EBF3: variants seen among roughly 807,000 people sequenced by gnomAD.
EBF3 encodes the protein transcription factor COE3.
A neutral mutation model predicts 77.1 loss-of-function variants in EBF3; 18 were observed. The ratio of observed to expected loss-of-function variants is 0.23; its 90% CI spans 0.16 to 0.35. The LOEUF (loss-of-function observed/expected upper bound fraction) is 0.35. EBF3 is among the 10% of genes least tolerant of loss of function. The pLI, the probability that EBF3 is intolerant of heterozygous loss-of-function variation, is 1.00. For missense variants in EBF3, 558 were observed against 860.0 expected, an observed-to-expected ratio of 0.65 and a Z score of 4.39; for synonymous variants, 350 against 343.5, an observed-to-expected ratio of 1.02 and a Z score of -0.21.
At chr10:129,902,861 C>T (rs773980873) in intron 6 of EBF3, among the ~76,000 whole-genome samples, 15 of 152,220 alleles carry the variant, frequency 9.9e-5, no homozygotes, top group Non-Finnish European at 2.1e-4. Context: ...AGCCCAGGTG[C>T]TCTGAGCCAG....
chr10:129,943,144 T>A lies in EBF3; in HGVS notation c.554+14114A>T, dbSNP rs1857902374. 6.6e-6 allele frequency among the ~76,000 whole-genome samples: 1 copy of A among 152,160 alleles called. No individual in the cohort carries two copies. The highest frequency in any genetic ancestry group is 2.1e-4 in the South Asian group (1 of 4,820). On this transcript the variant is annotated intron_variant, in intron 6 of 16. Transcript: ENST00000440978. This position sits in a 1 kb window ranked among gnomAD's most constrained non-coding sequence, Gnocchi z 8.8. ...CAAGAAGCCAACAACTTCCTCCACA[T>A]AAACAAGGCCCGCCAGAGCCAGAGA...
chr10:129,849,150 T>C (rs867249516), intron 10 of EBF3, among the ~76,000 whole-genome samples: 6 of 152,226 alleles, frequency 3.9e-5, no homozygotes, highest in African/African-American at 1.2e-4. Flanking sequence ...CTGTGTACAG[T>C]GCATGAATCA....
chr10:129,957,433 A>T, intron 5 of EBF3, 107 bp from the exon 6 acceptor site: 1 of 883,494 alleles, frequency 1.1e-6, no homozygotes, highest in East Asian at 2.5e-5. Flanking sequence ...GTAGGAGTCA[A>T]CTACCAAGGC....
chr10:129,873,418 C>A, intron 8 of EBF3, 34 bp downstream of exon 8: 1 of 1,478,008 alleles, frequency 6.8e-7, no homozygotes, highest in South Asian at 1.4e-5. Context: ...AAAGAAGCAT[C>A]GCAAATAAAA....
At chr10:129,874,620 C>T (rs1410484778) in intron 7 of EBF3, among the ~76,000 whole-genome samples, 1 of 152,218 alleles carries the variant, frequency 6.6e-6, no homozygotes, top group African/African-American at 2.4e-5. Context: ...TTCAGCCCAG[C>T]TCTGACCTGA....
At chr10:129,895,111 C>T (rs1371533998) in intron 6 of EBF3, among the ~76,000 whole-genome samples, 1 of 152,238 alleles carries the variant, frequency 6.6e-6, no homozygotes, top group Non-Finnish European at 1.5e-5. Context: ...TCATGGGCCA[C>T]TGGGCGAGAC....
At chr10:129,930,432 C>T (rs1856930446) in intron 6 of EBF3, among the ~76,000 whole-genome samples, 1 of 150,730 alleles carries the variant, frequency 6.6e-6, no homozygotes, top group African/African-American at 2.5e-5. Flanking sequence ...AAATCCCCCT[C>T]TCATATATCT....
chr10:129,867,289 C>T (rs766610436), intron 9 of EBF3, 22 bp from the exon 10 acceptor site: 3 of 1,613,386 alleles, frequency 1.9e-6, no homozygotes, highest in Non-Finnish European at 2.5e-6. Context: ...ACACGGTGAA[C>T]AGGCGCTCAG....
At chr10:129,953,021 C>T (rs1858779155) in intron 6 of EBF3, among the ~76,000 whole-genome samples, 1 of 126,162 alleles carries the variant, frequency 7.9e-6, no homozygotes, top group African/African-American at 3.0e-5. Flanking sequence ...TGAAAGGAAA[C>T]ACTGTTGACT....
chr10:129,955,436 C>T (rs902794088), intron 6 of EBF3, among the ~76,000 whole-genome samples: 1 of 152,288 alleles, frequency 6.6e-6, no homozygotes, highest in South Asian at 2.1e-4. Flanking sequence ...TTTTCCCCTC[C>T]TCTCATGCTT....
intron 6 of EBF3, among the ~76,000 whole-genome samples, chr10:129,950,062 G>C (rs1260182481): frequency 6.6e-6 from 1 of 151,094 alleles, no homozygotes; most frequent in Non-Finnish European, 1.5e-5. Flanking sequence ...CAGGGGCGGC[G>C]GCTGGAGCTG....
At chr10:129,962,122 A>C (rs1859570451) in intron 4 of EBF3, 49 bp downstream of exon 4, 1 of 1,602,686 alleles carries the variant, frequency 6.2e-7, no homozygotes, top group Non-Finnish European at 8.5e-7. Flanking sequence ...AGCCCAGGAC[A>C]ACCCAGGCCC....
At chr10:129,871,125 T>C (rs1476532648) in intron 8 of EBF3, among the ~76,000 whole-genome samples, 1 of 152,208 alleles carries the variant, frequency 6.6e-6, no homozygotes, top group Non-Finnish European at 1.5e-5. Flanking sequence ...CCTTATTGCA[T>C]AAACCTAACC....
intron 14 of EBF3, 97 bp downstream of exon 14, chr10:129,840,747 A>G: frequency 6.7e-7 from 1 of 1,488,180 alleles, no homozygotes; most frequent in East Asian, 2.3e-5. Context: ...CCTTTTATCC[A>G]GTAGCTCACA....
At chr10:129,868,006 G>T in intron 8 of EBF3, 94 bp from the exon 9 acceptor site, 3 of 1,535,234 alleles carry the variant, frequency 2.0e-6, no homozygotes, top group Non-Finnish European at 8.8e-7. Flanking sequence ...GCCACCGCGG[G>T]AGGAGAGGCG....
intron 10 of EBF3, among the ~76,000 whole-genome samples, chr10:129,860,642 G>C (rs1258569799): frequency 6.6e-6 from 1 of 152,192 alleles, no homozygotes; most frequent in Non-Finnish European, 1.5e-5. Context: ...TGTCTTGTTA[G>C]CAATAGCCCA....
Position 129,944,729 on chromosome 10 carries a change from G to A in EBF3, c.554+12529C>T, listed in dbSNP as rs1446026955. ...CATGAATCTCATTTTATGCGATTAAGATCCATAAAAATTCAATAGCTTTTC... is the reference window on the plus strand; with the variant it reads ...CATGAATCTCATTTTATGCGATTAAAATCCATAAAAATTCAATAGCTTTTC... On this transcript the variant is annotated intron_variant, in intron 6 of 16. Transcript: ENST00000440978. This position sits in a 1 kb window ranked among gnomAD's most constrained non-coding sequence, Gnocchi z 5.1. Among the ~76,000 whole-genome samples, 7 of 151,970 alleles carry A rather than the reference G, an allele frequency of 4.6e-5. No individual in the cohort carries two copies. The highest frequency in any genetic ancestry group is 8.8e-5 in the Non-Finnish European group (6 of 67,990).
At chr10:129,956,836 G>A (rs1271327465) in intron 6 of EBF3, among the ~76,000 whole-genome samples, 2 of 152,150 alleles carry the variant, frequency 1.3e-5, no homozygotes, top group East Asian at 1.9e-4. Context: ...TCATTCTAAC[G>A]CTGGGCAACA....
intron 10 of EBF3, among the ~76,000 whole-genome samples, chr10:129,857,913 G>A (rs889432706): frequency 5.9e-5 from 9 of 152,186 alleles, no homozygotes; most frequent in Admixed American, 4.6e-4. Flanking sequence ...TCCACAGCAC[G>A]CCACACCTTC....
Sources: allele counts gnomAD v4.1 joint callset (sites outside exome capture counted in the v4.1 genomes callset), GRCh38; gene constraint gnomAD v4.1.1; non-coding constraint Gnocchi (gnomAD v3.1); transcripts MANE v1.5; gene names NCBI Gene and HGNC (gene_info 2026-07-23, HGNC 2026-07-21).